The following CD99L2 variants were observed in gnomAD, a reference collection of about 807,000 sequenced individuals.
CD99L2 encodes CD99 antigen-like protein 2.
In CD99L2, 24 loss-of-function variants were observed where a neutral mutation model predicts 27.3. The ratio of observed to expected loss-of-function variants is 0.88; its 90% confidence interval spans 0.64 to 1.24. The LOEUF is 1.24. Ranked by LOEUF, CD99L2 falls within the 50% of genes most tolerant of loss-of-function variation. The pLI is 0.00. For synonymous variants in CD99L2, 97 were observed against 87.9 expected (o/e 1.10, Z -0.58); for missense variants, 255 against 221.6 (o/e 1.15, Z -0.96).
At chrX:150,832,217 T>C (rs1047598187) in intron 1 of CD99L2, among the ~76,000 whole-genome samples, 10 of 112,863 alleles carry the variant, frequency 8.9e-5, no homozygotes, top group African/African-American at 2.9e-4. Flanking sequence ...CTGACCAAAA[T>C]AGCCAGAAAC....
chrX:150,897,055 A>T, intron 1 of CD99L2, among the ~76,000 whole-genome samples: 1 of 112,242 alleles, frequency 8.9e-6, no homozygotes, highest in East Asian at 2.8e-4. Context: ...CATTTTTCTA[A>T]CTTTTTTTGT....
rs373412043 is a variant in CD99L2 at position 150,795,265 on chromosome X, G to A, written c.371C>T (p.Ala124Val). The A allele has an allele frequency of 2.5e-5, 30 of 1,211,741 alleles. No homozygotes were observed. Among genetic ancestry groups the A allele is most frequent in the Non-Finnish European group, 3.2e-5 (29 of 895,476 alleles). ...ATCTCGATCATTTCGATCATCCAGG[G>A]CATCAGCCAAGTCAAAATCATTTCC... ...TLGNDFDLADALDDRNDRDDG... is the reference protein window; with the variant it reads ...TLGNDFDLADVLDDRNDRDDG... Residue 124 changes from alanine to valine, a missense_variant, in exon 6 of 11, where the codon GCC becomes GTC. Physicochemically the swap from Ala to Val is moderately conservative, Grantham distance 64 (BLOSUM62 0). Transcript: ENST00000370377.
At chrX:150,769,206 T>C (rs1399349905) in intron 10 of CD99L2, 105 bp from the exon 11 acceptor site, 3 of 966,745 alleles carry the variant, frequency 3.1e-6, no homozygotes, top group South Asian at 2.4e-5. Context: ...TTTCCCTTTG[T>C]ATCCCCTGGG....
Position 150,823,804 on chromosome X carries a change from CATG to C in CD99L2, c.130+7424_130+7426del, listed in dbSNP as rs201176403. The stretch of plus-strand genomic sequence containing the variant: ...CTTATAAAGCCACTAGTCCCACTCC[CATG>C]ATAACCTACTAATCCATTCACCTAT... On this transcript the variant is annotated intron_variant, in intron 2 of 10. Transcript: ENST00000370377. Among the ~76,000 whole-genome samples, 880 of 109,747 alleles carry C rather than the reference CATG, an allele frequency of 8.0e-3. 9 individuals are homozygous for C. Among genetic ancestry groups the C allele is most frequent in the African/African-American group, 0.028 (837 of 30,108 alleles).
chrX:150,770,049 CGAATCAAGGGCA>C (rs1557418966), intron 10 of CD99L2, among the ~76,000 whole-genome samples: 2 of 112,869 alleles, frequency 1.8e-5, no homozygotes, highest in East Asian at 5.6e-4. Context: ...CTCGGACGGA[CGAATCAAGGGCA>C]GGGGCCGAGC....
chrX:150,844,638 C>T lies in CD99L2; in HGVS notation c.68-13345G>A, dbSNP rs112758137. ...CCTCTGGACTTGCTAAGCACTGCAG[C>T]ATTGCAAGTGAACATGAAAATGGCT... On this transcript the variant is annotated intron_variant, in intron 1 of 10. Coordinates refer to ENST00000370377, the MANE Select transcript of CD99L2 (RefSeq NM_031462.4). 3.7e-3 allele frequency among the ~76,000 whole-genome samples: 419 copies of T among 112,477 alleles called. 2 individuals carry two copies. The highest frequency in any genetic ancestry group is 0.013 in the African/African-American group (400 of 30,958).
At chrX:150,825,926 C>CT (rs1220342362) in intron 2 of CD99L2, among the ~76,000 whole-genome samples, 2 of 111,772 alleles carry the variant, frequency 1.8e-5, no homozygotes, top group Non-Finnish European at 3.8e-5. Flanking sequence ...ATAATGGTAA[C>CT]TGCTTGGTCT....
At chrX:150,823,963 G>C (rs545033761) in intron 2 of CD99L2, among the ~76,000 whole-genome samples, 3 of 108,086 alleles carry the variant, frequency 2.8e-5, no homozygotes, top group Non-Finnish European at 5.7e-5. Flanking sequence ...AACATAGCGA[G>C]ACCCTGTCTC....
intron 1 of CD99L2, among the ~76,000 whole-genome samples, chrX:150,883,931 C>T (rs1209374250): frequency 2.7e-5 from 3 of 112,002 alleles, no homozygotes; most frequent in African/African-American, 9.7e-5. Context: ...CCCCAGTAGG[C>T]TAAATATCAT....
intron 4 of CD99L2, among the ~76,000 whole-genome samples, chrX:150,801,374 G>C (rs782650384): frequency 1.1e-4 from 12 of 112,011 alleles, no homozygotes; most frequent in African/African-American, 3.6e-4. Flanking sequence ...GAAGGCAAAA[G>C]GGAGATTGGC....
At chrX:150,806,584 T>C (rs2045997168) in intron 4 of CD99L2, among the ~76,000 whole-genome samples, 1 of 112,303 alleles carries the variant, frequency 8.9e-6, no homozygotes, top group Admixed American at 9.4e-5. Flanking sequence ...CATGTAGACC[T>C]GACTTCGGAA....
intron 8 of CD99L2, 137 bp from the exon 9 acceptor site, chrX:150,776,430 A>G (rs1801697332): frequency 1.4e-6 from 1 of 698,533 alleles, no homozygotes; most frequent in Non-Finnish European, 2.0e-6. Flanking sequence ...GGAGAGGGCC[A>G]TGCCACACAG....
At chrX:150,876,195 GC>G (rs1430402662) in intron 1 of CD99L2, among the ~76,000 whole-genome samples, 1 of 112,012 alleles carries the variant, frequency 8.9e-6, no homozygotes, top group Non-Finnish European at 1.9e-5. Context: ...CTTTTGTGTT[GC>G]CTCTCCATGA....
chrX:150,853,311 C>T (rs1440952057), intron 1 of CD99L2, among the ~76,000 whole-genome samples: 3 of 112,086 alleles, frequency 2.7e-5, no homozygotes, highest in Non-Finnish European at 3.8e-5. Context: ...CCTGCTCTGA[C>T]ATCCATGCTG....
chrX:150,887,815 G>A lies in CD99L2; in HGVS notation c.67+10707C>T, dbSNP rs782464660. 7.7e-4 allele frequency among the ~76,000 whole-genome samples: 86 copies of A among 112,037 alleles called. 2 individuals carry two copies. Among genetic ancestry groups the A allele is most frequent in the African/African-American group, 2.7e-3 (82 of 30,868 alleles). ...ACAGGAAGGAACAGAAAATGAAGAG[G>A]CACACACGGAGCTAGGCTACTAACT... On this transcript the variant is annotated intron_variant, in intron 1 of 10. Coordinates refer to ENST00000370377, the MANE Select transcript of CD99L2 (RefSeq NM_031462.4).
chrX:150,820,806 A>G (rs140221726), intron 2 of CD99L2, among the ~76,000 whole-genome samples: 6,243 of 111,667 alleles, frequency 0.056, 147 homozygotes, highest in South Asian at 0.14. Flanking sequence ...AACTATTAAA[A>G]CTAATGAGTT....
At chrX:150,882,495 G>A (rs1468822755) in intron 1 of CD99L2, among the ~76,000 whole-genome samples, 1 of 109,506 alleles carries the variant, frequency 9.1e-6, no homozygotes, top group Non-Finnish European at 1.9e-5. Context: ...GAGGCCAAGG[G>A]AGGCTGATCA....
chrX:150,852,383 A>G (rs1184715900), intron 1 of CD99L2, among the ~76,000 whole-genome samples: 4 of 109,838 alleles, frequency 3.6e-5, no homozygotes, highest in African/African-American at 1.3e-4. Context: ...AGCAGGCTCT[A>G]TCCCACCTCA....
chrX:150,771,300 G>A (rs1373334371), intron 9 of CD99L2, among the ~76,000 whole-genome samples: 1 of 112,751 alleles, frequency 8.9e-6, no homozygotes, highest in East Asian at 2.8e-4. Context: ...GGCTTGAGGT[G>A]GGAGCCAAAT....
Sources: allele counts gnomAD v4.1 joint callset (sites outside exome capture counted in the v4.1 genomes callset), GRCh38; gene constraint gnomAD v4.1.1; transcripts MANE v1.5; gene names NCBI Gene and HGNC (gene_info 2026-07-23, HGNC 2026-07-21).